Variants in TACR3 observed in about 807,000 individuals in gnomAD.
The protein encoded by TACR3 is tachykinin receptor 3.
A neutral mutation model predicts 35.0 loss-of-function variants in TACR3; 34 were observed. The ratio of observed to expected loss-of-function variants is 0.97; its 90% CI spans 0.74 to 1.30. The LOEUF (loss-of-function observed/expected upper bound fraction) is 1.30. Ranked by LOEUF, TACR3 falls within the 50% of genes most tolerant of loss-of-function variation. The pLI is 0.00. For missense variants in TACR3, 558 were observed against 591.7 expected (o/e 0.94, Z 0.59); for synonymous variants, 233 against 221.1 (o/e 1.05, Z -0.48).
chr4:103,701,798 G>A (rs1481579359), intron 1 of TACR3, among the ~76,000 whole-genome samples: 1 of 152,158 alleles, frequency 6.6e-6, no homozygotes, highest in Admixed American at 6.5e-5. Flanking sequence ...AAGAAATGGG[G>A]AAAGGATTCC....
At chr4:103,660,474 A>G (rs1480205414) in intron 1 of TACR3, among the ~76,000 whole-genome samples, 1 of 152,036 alleles carries the variant, frequency 6.6e-6, no homozygotes, top group African/African-American at 2.4e-5. Flanking sequence ...AGTTAGCAAT[A>G]AATTATCATG....
At chr4:103,635,683 C>G (rs141278336) in intron 3 of TACR3, among the ~76,000 whole-genome samples, 1 of 152,058 alleles carries the variant, frequency 6.6e-6, no homozygotes, top group East Asian at 1.9e-4. Context: ...TAAATAAAAT[C>G]ACTTGTGCAC....
At chr4:103,688,136 A>G (rs1722299163) in intron 1 of TACR3, among the ~76,000 whole-genome samples, 2 of 152,314 alleles carry the variant, frequency 1.3e-5, no homozygotes, top group African/African-American at 4.8e-5. Flanking sequence ...TGAGAAAAAC[A>G]AGAAATGGGG....
intron 1 of TACR3, among the ~76,000 whole-genome samples, chr4:103,710,569 A>G (rs1172612190): frequency 6.6e-6 from 1 of 152,210 alleles, no homozygotes; most frequent in African/African-American, 2.4e-5. Context: ...CCCTAACATC[A>G]CAATTAAAAG....
chr4:103,685,424 G>T (rs546097720), intron 1 of TACR3, among the ~76,000 whole-genome samples: 1 of 152,212 alleles, frequency 6.6e-6, no homozygotes, highest in African/African-American at 2.4e-5. Flanking sequence ...AGAAAACCTA[G>T]GAGGAAATCT....
At chr4:103,677,179 G>A (rs913585801) in intron 1 of TACR3, among the ~76,000 whole-genome samples, 10 of 152,142 alleles carry the variant, frequency 6.6e-5, no homozygotes, top group African/African-American at 2.4e-4. Context: ...ACACCAGTCA[G>A]AATGTCTATT....
intron 1 of TACR3, among the ~76,000 whole-genome samples, chr4:103,711,461 T>C (rs1288001108): frequency 6.6e-6 from 1 of 152,110 alleles, no homozygotes; most frequent in Non-Finnish European, 1.5e-5. Flanking sequence ...TGCTAAGAAC[T>C]CTCAATAAAT....
chr4:103,621,434 A>AT (rs754747597), intron 3 of TACR3, among the ~76,000 whole-genome samples: 4 of 152,218 alleles, frequency 2.6e-5, no homozygotes, highest in Non-Finnish European at 5.9e-5. Flanking sequence ...ATAAATTCAG[A>AT]TTTTAGATAC....
At chr4:103,675,589 G>T (rs1458715195) in intron 1 of TACR3, among the ~76,000 whole-genome samples, 1 of 152,148 alleles carries the variant, frequency 6.6e-6, no homozygotes, top group Non-Finnish European at 1.5e-5. Context: ...CACTTCTTCA[G>T]GTGTGAAGGG....
intron 3 of TACR3, among the ~76,000 whole-genome samples, chr4:103,630,344 T>C (rs1179681681): frequency 2.0e-5 from 3 of 152,154 alleles, no homozygotes; most frequent in Non-Finnish European, 4.4e-5. Context: ...AAATGGGATC[T>C]AATTAAACTA....
rs572078575 is a variant in TACR3, at chr4:103,602,006, G to A, written c.889-10323C>T. ...TTTCCAACTTGGTTCCAATCTCCCC[G>A]TCACTTTCAGGTACACCAATCAGAC... On this transcript the variant is annotated intron_variant, in intron 3 of 4. Transcript: ENST00000304883. 4.6e-5 allele frequency among the ~76,000 whole-genome samples: 7 copies of A among 152,236 alleles called. No homozygotes were observed. The South Asian group carries it at 8.3e-4, about 18-fold the overall frequency.
At chr4:103,696,213 A>G (rs1166194269) in intron 1 of TACR3, among the ~76,000 whole-genome samples, 1 of 152,182 alleles carries the variant, frequency 6.6e-6, no homozygotes, top group Non-Finnish European at 1.5e-5. Flanking sequence ...TGGTACTTGG[A>G]AATCAAAATG....
At chr4:103,622,374 T>TGAGA (rs1724801634) in intron 3 of TACR3, among the ~76,000 whole-genome samples, 1 of 152,128 alleles carries the variant, frequency 6.6e-6, no homozygotes, top group Admixed American at 6.5e-5. Flanking sequence ...GGACTACTCT[T>TGAGA]GAGAAGGAAG....
intron 3 of TACR3, among the ~76,000 whole-genome samples, chr4:103,598,744 G>C (rs1724107549): frequency 6.6e-6 from 1 of 152,126 alleles, no homozygotes; most frequent in Non-Finnish European, 1.5e-5. Flanking sequence ...TGTCAGGTTT[G>C]TCAAAGATCA....
intron 3 of TACR3, among the ~76,000 whole-genome samples, chr4:103,623,232 A>G (rs531350136): frequency 4.6e-4 from 70 of 152,280 alleles, no homozygotes; most frequent in African/African-American, 1.6e-3. Context: ...ATTTATACAA[A>G]TAAAACTATA....
chr4:103,686,085 G>A (rs1722227757), intron 1 of TACR3, among the ~76,000 whole-genome samples: 1 of 152,164 alleles, frequency 6.6e-6, no homozygotes, highest in Non-Finnish European at 1.5e-5. Flanking sequence ...CTGCAGTCTA[G>A]TTATAAATTT....
intron 3 of TACR3, among the ~76,000 whole-genome samples, chr4:103,595,610 G>C (rs557462138): frequency 6.6e-6 from 1 of 152,064 alleles, no homozygotes; most frequent in South Asian, 2.1e-4. Context: ...TTAAATTAGT[G>C]TAGGATGGAT....
chr4:103,598,287 T>G (rs1026864469), intron 3 of TACR3, among the ~76,000 whole-genome samples: 3 of 152,228 alleles, frequency 2.0e-5, no homozygotes, highest in Non-Finnish European at 4.4e-5. Context: ...TTCGCCCACT[T>G]TTTGATGAGG....
At chr4:103,663,974 C>T (rs1261563350) in intron 1 of TACR3, among the ~76,000 whole-genome samples, 1 of 152,174 alleles carries the variant, frequency 6.6e-6, no homozygotes, top group Non-Finnish European at 1.5e-5. Flanking sequence ...CTGAGCTTCT[C>T]ATCACCATTC....
Sources: gnomAD v4.1 joint callset for allele counts (sites outside exome capture counted in the v4.1 genomes callset) on GRCh38, gnomAD v4.1.1 for gene constraint, MANE v1.5 for transcripts, NCBI Gene and HGNC (gene_info 2026-07-23, HGNC 2026-07-21) for gene names.